CCDC146: variants seen among roughly 807,000 people sequenced by gnomAD.
CCDC146 encodes coiled-coil domain-containing protein 146.
In CCDC146, 92 loss-of-function variants were observed where a neutral mutation model predicts 119.3. The observed-to-expected ratio is 0.77, with a 90% CI of 0.65 to 0.92. The LOEUF is 0.92. CCDC146 is among the 40% of genes least tolerant of loss of function. CCDC146 has a pLI of 0.00. For missense variants in CCDC146, 1,000 were observed against 1,103.0 expected, an observed-to-expected ratio of 0.91 and a Z score of 1.32; for synonymous variants, 372 against 371.8, an observed-to-expected ratio of 1.00 and a Z score of -0.01.
intron 6 of CCDC146, chr7:77,257,355 A>G (rs1793200473): frequency 6.6e-6 from 1 of 152,162 alleles, no homozygotes; most frequent in Non-Finnish European, 1.5e-5. Flanking sequence ...GAGTTGTTTT[A>G]AAAACAACAT....
chr7:77,281,430 T>C (rs1793762883), intron 14 of CCDC146, among the ~76,000 whole-genome samples: 1 of 152,258 alleles, frequency 6.6e-6, no homozygotes, highest in South Asian at 2.1e-4. Flanking sequence ...CAATGTTTAC[T>C]TCAGCAGTTT....
At chr7:77,145,737 T>A (rs868028266) in intron 1 of CCDC146, among the ~76,000 whole-genome samples, 89 of 152,232 alleles carry the variant, frequency 5.8e-4, no homozygotes, top group South Asian at 5.6e-3. Flanking sequence ...TTTGAGTGAG[T>A]TTCTTAATCC....
chr7:77,207,769 T>C (rs888321956), intron 2 of CCDC146, among the ~76,000 whole-genome samples: 1 of 152,172 alleles, frequency 6.6e-6, no homozygotes, highest in Admixed American at 6.5e-5. Context: ...AGATTAGAGA[T>C]CTGTAAGGTC....
chr7:77,177,148 T>C (rs1234748247), intron 2 of CCDC146, among the ~76,000 whole-genome samples: 1 of 152,172 alleles, frequency 6.6e-6, no homozygotes, highest in Non-Finnish European at 1.5e-5. Context: ...AAATTAAAGT[T>C]TTAATTACTG....
rs538456292 is a variant in CCDC146 at position 77,273,719 on chromosome 7, C to G, written c.1199C>G (p.Ser400Cys). ...ATGGAAGCTATCCCCAAAGATGATT[C>G]TACATTATCTGAGAGAAGGCGAGAG... The part of the protein sequence containing the change: ...LEMEAIPKDD[S>C]TLSERRRELH... The change falls in exon 10 of 19, where the codon TCT becomes TGT. Residue 400 changes from serine (S) to cysteine (C), a missense_variant. Ser to Cys is a moderately radical substitution (Grantham distance 112, BLOSUM62 -1). Coordinates refer to ENST00000285871, the MANE Select transcript of CCDC146 (RefSeq NM_020879.3). 1.2e-6 allele frequency: 2 copies of G among 1,610,216 alleles called. No individual in the cohort carries two copies. Among genetic ancestry groups the G allele is most frequent in the Non-Finnish European group, 1.7e-6 (2 of 1,177,668 alleles).
At chr7:77,204,014 C>T (rs1309540598) in intron 2 of CCDC146, among the ~76,000 whole-genome samples, 1 of 150,182 alleles carries the variant, frequency 6.7e-6, no homozygotes, top group Non-Finnish European at 1.5e-5. Context: ...TTTGTTTCCC[C>T]TAATACAGTT....
chr7:77,150,291 A>G (rs1246230770), intron 1 of CCDC146, among the ~76,000 whole-genome samples: 1 of 152,124 alleles, frequency 6.6e-6, no homozygotes, highest in Non-Finnish European at 1.5e-5. Flanking sequence ...TTGAGAGAAA[A>G]TATTTGCCAA....
At chr7:77,250,058 A>G (rs1298313201) in intron 4 of CCDC146, among the ~76,000 whole-genome samples, 1 of 152,160 alleles carries the variant, frequency 6.6e-6, no homozygotes, top group Non-Finnish European at 1.5e-5. Flanking sequence ...ATAACACTAT[A>G]CCACTTCAAG....
intron 1 of CCDC146, among the ~76,000 whole-genome samples, chr7:77,149,611 C>T (rs1791077074): frequency 6.6e-6 from 1 of 151,710 alleles, no homozygotes; most frequent in African/African-American, 2.4e-5. Context: ...ACTAAAAATA[C>T]AAAAATTAGC....
At chr7:77,144,300 C>T (rs1790981643) in intron 1 of CCDC146, among the ~76,000 whole-genome samples, 1 of 151,742 alleles carries the variant, frequency 6.6e-6, no homozygotes, top group Non-Finnish European at 1.5e-5. Context: ...TGCTTATCAG[C>T]TTAAGGAGAT....
intron 2 of CCDC146, among the ~76,000 whole-genome samples, chr7:77,205,651 C>A (rs1345325166): frequency 6.6e-6 from 1 of 152,142 alleles, no homozygotes; most frequent in Non-Finnish European, 1.5e-5. Context: ...CCCAGCTACT[C>A]GGCAGGCTGA....
intron 2 of CCDC146, chr7:77,199,831 G>C (rs374782739): frequency 2.5e-6 from 4 of 1,581,368 alleles, no homozygotes; most frequent in Non-Finnish European, 3.4e-6. Context: ...GAGTGCGCAG[G>C]GCTGGAGCTG....
In CCDC146 at chr7:77,262,199, A is replaced by C; in HGVS notation, c.1065A>C (p.Arg355Ser). The C allele has an allele frequency of 6.2e-7, 1 of 1,613,974 alleles. No homozygotes were observed. Among genetic ancestry groups the C allele is most frequent in the Non-Finnish European group, 8.5e-7 (1 of 1,179,878 alleles). The change falls in exon 9 of 19, where the codon AGA becomes AGC. Residue 355 changes from arginine (R) to serine (S), a missense_variant. Transcript: ENST00000285871. ...ATGATGAACTTTCTCGTAAGCAAAG[A>C]GAGAAAGAACGAGATTTTCGAAATT... ...NYHDELSRKQ[R>S]EKERDFRNLR...
At chr7:77,147,484 C>T (rs992828718) in intron 1 of CCDC146, among the ~76,000 whole-genome samples, 3 of 152,170 alleles carry the variant, frequency 2.0e-5, no homozygotes, top group Non-Finnish European at 4.4e-5. Flanking sequence ...GGGAGAGGTG[C>T]TCTGATTTTT....
At chr7:77,142,787 G>A (rs1290261318) in intron 1 of CCDC146, among the ~76,000 whole-genome samples, 1 of 151,684 alleles carries the variant, frequency 6.6e-6, no homozygotes, top group South Asian at 2.1e-4. Flanking sequence ...GTGTATATGT[G>A]CCACATTTTC....
intron 2 of CCDC146, among the ~76,000 whole-genome samples, chr7:77,191,272 G>A (rs185032583): frequency 1.3e-5 from 2 of 152,292 alleles, no homozygotes; most frequent in Non-Finnish European, 2.9e-5. Flanking sequence ...AGGACTTACT[G>A]TATTTGATCC....
chr7:77,252,730 T>C (rs1427882067), intron 4 of CCDC146, among the ~76,000 whole-genome samples: 1 of 152,230 alleles, frequency 6.6e-6, no homozygotes, highest in Non-Finnish European at 1.5e-5. Context: ...TCAGCTAGAC[T>C]ATGCAATAAG....
chr7:77,134,592 T>C (rs934884829), intron 1 of CCDC146, among the ~76,000 whole-genome samples: 12 of 151,368 alleles, frequency 7.9e-5, no homozygotes, highest in African/African-American at 2.7e-4. Flanking sequence ...TGTGTGTGTG[T>C]GTGTGTCTAT....
At chr7:77,223,362 A>T (rs1299877815) in intron 2 of CCDC146, among the ~76,000 whole-genome samples, 2 of 152,158 alleles carry the variant, frequency 1.3e-5, no homozygotes. Context: ...TGCATTACTC[A>T]CCCACCTTGC....
Sources: gnomAD v4.1 joint callset for allele counts (sites outside exome capture counted in the v4.1 genomes callset) on GRCh38, gnomAD v4.1.1 for gene constraint, MANE v1.5 for transcripts, NCBI Gene and HGNC (gene_info 2026-07-23, HGNC 2026-07-21) for gene names.